The following KSR2 variants were observed in gnomAD, a reference collection of about 807,000 sequenced individuals.
The protein encoded by KSR2 is kinase suppressor of ras 2.
A neutral mutation model predicts 107.8 loss-of-function variants in KSR2; 25 were observed. The ratio of observed to expected loss-of-function variants is 0.23; its 90% CI spans 0.17 to 0.32. The LOEUF (loss-of-function observed/expected upper bound fraction) is 0.32. Ranked by LOEUF, KSR2 falls within the 10% of genes least tolerant of loss-of-function variation. KSR2 has a pLI of 1.00. For missense variants in KSR2, 887 were observed against 1,268.9 expected (o/e 0.70, Z 4.57); for synonymous variants, 480 against 507.0 (o/e 0.95, Z 0.71).
At chr12:117,687,838 C>T (rs1885640548) in intron 4 of KSR2, among the ~76,000 whole-genome samples, 2 of 152,134 alleles carry the variant, frequency 1.3e-5, no homozygotes, top group Admixed American at 1.3e-4. Context: ...GAAGCTCAAT[C>T]TAGTAGTGGT....
chr12:117,804,903 C>T (rs1043163925), intron 3 of KSR2, among the ~76,000 whole-genome samples: 5 of 152,130 alleles, frequency 3.3e-5, no homozygotes, highest in Non-Finnish European at 7.3e-5. Flanking sequence ...TACCAAGATA[C>T]GGGTGGGAAT....
chr12:117,891,500 G>A (rs896075512), intron 1 of KSR2, among the ~76,000 whole-genome samples: 1 of 152,046 alleles, frequency 6.6e-6, no homozygotes, highest in African/African-American at 2.4e-5. Flanking sequence ...GACTTTGGGA[G>A]GCAAAGGTGG....
chr12:117,936,527 T>TAGTAGTAGTAGTAG (rs1566089596), intron 1 of KSR2, among the ~76,000 whole-genome samples: 92 of 119,594 alleles, frequency 7.7e-4, no homozygotes, highest in Non-Finnish European at 1.3e-3. Flanking sequence ...ATTATTATTA[T>TAGTAGTAGTAGTAG]TATTATTAGT....
At chr12:117,965,198 G>A (rs1896752880) in intron 1 of KSR2, among the ~76,000 whole-genome samples, 1 of 152,190 alleles carries the variant, frequency 6.6e-6, no homozygotes, top group Non-Finnish European at 1.5e-5. Flanking sequence ...CTTGAACTCA[G>A]ATGTAATCGC....
At chr12:117,669,979 T>C (rs1405966605) in intron 4 of KSR2, among the ~76,000 whole-genome samples, 1 of 152,150 alleles carries the variant, frequency 6.6e-6, no homozygotes, top group Non-Finnish European at 1.5e-5. Flanking sequence ...TATTTAAGAT[T>C]CTTTTTGAAT....
chr12:117,885,495 G>C (rs1255949930), intron 1 of KSR2, among the ~76,000 whole-genome samples: 1 of 152,028 alleles, frequency 6.6e-6, no homozygotes, highest in Non-Finnish European at 1.5e-5. Flanking sequence ...CCCTGCTGGG[G>C]TTATCTCTGG....
intron 1 of KSR2, among the ~76,000 whole-genome samples, chr12:117,954,393 A>C (rs543000644): frequency 6.6e-6 from 1 of 152,322 alleles, no homozygotes; most frequent in African/African-American, 2.4e-5. Flanking sequence ...ATGTGGTTTA[A>C]AGACTAAGGC....
At chr12:117,769,926 T>C (rs570256397) in intron 3 of KSR2, among the ~76,000 whole-genome samples, 1 of 152,186 alleles carries the variant, frequency 6.6e-6, no homozygotes, top group East Asian at 1.9e-4. Context: ...TGGTGGCACA[T>C]GCCTGTAATC....
At chr12:117,861,737 G>T (rs553974099) in intron 1 of KSR2, among the ~76,000 whole-genome samples, 45 of 152,176 alleles carry the variant, frequency 3.0e-4, no homozygotes, top group African/African-American at 1.1e-3. Context: ...GGGGAAAAAG[G>T]GTGGGGGAAA....
chr12:117,491,830 T>G (rs1473424657), intron 14 of KSR2, among the ~76,000 whole-genome samples: 1 of 152,192 alleles, frequency 6.6e-6, no homozygotes, highest in Non-Finnish European at 1.5e-5. Context: ...ATCTTTTGCT[T>G]CTTAACAACT....
At chr12:117,585,976 G>A (rs1447646088) in intron 5 of KSR2, among the ~76,000 whole-genome samples, 1 of 152,234 alleles carries the variant, frequency 6.6e-6, no homozygotes, top group East Asian at 1.9e-4. Context: ...TGCTGTTGAT[G>A]TCTTCTGAGA....
intron 5 of KSR2, among the ~76,000 whole-genome samples, chr12:117,622,953 C>T (rs1335253266): frequency 6.6e-6 from 1 of 152,168 alleles, no homozygotes; most frequent in Non-Finnish European, 1.5e-5. Flanking sequence ...TTGAGGTAGG[C>T]ATGCACTCCA....
At chr12:117,797,639 A>ATTATATTATATTATAT in intron 3 of KSR2, among the ~76,000 whole-genome samples, 2 of 129,284 alleles carry the variant, frequency 1.5e-5, no homozygotes, top group South Asian at 2.6e-4. Flanking sequence ...TATATTATAT[A>ATTATATTATATTATAT]AATTTCACCT....
chr12:117,771,520 TC>T (rs1445835610), intron 3 of KSR2, among the ~76,000 whole-genome samples: 1 of 152,152 alleles, frequency 6.6e-6, no homozygotes, highest in Non-Finnish European at 1.5e-5. Context: ...AAATAAACTT[TC>T]TAAATTAATG....
Position 117,559,736 on chromosome 12 carries a change from G to A in KSR2, c.1326-1163C>T, listed in dbSNP as rs544869718. 9.5e-4 allele frequency among the ~76,000 whole-genome samples: 145 copies of A among 152,300 alleles called. 2 individuals carry two copies. The South Asian group carries it at 0.029, about 30-fold the overall frequency. ...ACACCTTGCTCTTTCCCCTGGAGTT[G>A]CCTGACTTCACAAAGATAATAAAAT... On this transcript the variant is annotated intron_variant, in intron 7 of 19. Transcript: ENST00000339824.
chr12:117,731,567 T>C lies in KSR2; in HGVS notation c.986+29444A>G, dbSNP rs111652199. Among the ~76,000 whole-genome samples, 168 of 152,304 alleles carry C rather than the reference T, an allele frequency of 1.1e-3. 2 individuals are homozygous for C. Among genetic ancestry groups the C allele is most frequent in the African/African-American group, 3.8e-3 (156 of 41,566 alleles). On this transcript the variant is annotated intron_variant, in intron 4 of 19. Coordinates refer to ENST00000339824, the MANE Select transcript of KSR2 (RefSeq NM_173598.6). ...ACAGCTCATTGAGAACAGGCCATGA[T>C]AACGATGGCGGTTTTGTCGAATAGA...
intron 4 of KSR2, among the ~76,000 whole-genome samples, chr12:117,729,593 G>A (rs142927212): frequency 3.9e-5 from 6 of 152,106 alleles, no homozygotes; most frequent in East Asian, 1.9e-4. Flanking sequence ...TTTCTCTCAC[G>A]TTCACTCCGT....
At chr12:117,854,145 C>T (rs528891037) in intron 3 of KSR2, among the ~76,000 whole-genome samples, 1 of 152,308 alleles carries the variant, frequency 6.6e-6, no homozygotes, top group African/African-American at 2.4e-5. Flanking sequence ...GCTGGGACTA[C>T]AGGCGTGTGC....
chr12:117,541,411 C>A (rs1398566180), intron 9 of KSR2, among the ~76,000 whole-genome samples: 3 of 152,132 alleles, frequency 2.0e-5, no homozygotes, highest in Admixed American at 6.5e-5. Context: ...ATTGGTGCTG[C>A]CTGAAGCTTG....
Sources: allele counts gnomAD v4.1 joint callset (sites outside exome capture counted in the v4.1 genomes callset), GRCh38; gene constraint gnomAD v4.1.1; transcripts MANE v1.5; gene names NCBI Gene and HGNC (gene_info 2026-07-23, HGNC 2026-07-21).